The following TNNI3K variants were observed in gnomAD, a reference collection of about 807,000 sequenced individuals.
TNNI3K encodes TNNI3 interacting kinase, also known as serine/threonine-protein kinase TNNI3K.
A neutral mutation model predicts 114.5 loss-of-function variants in TNNI3K; 140 were observed. The ratio of observed to expected loss-of-function variants is 1.22; its 90% CI spans 1.07 to 1.41. The LOEUF (loss-of-function observed/expected upper bound fraction) is 1.41, where lower values mean the gene tolerates loss of function less well. Ranked by LOEUF, TNNI3K falls within the 40% of genes most tolerant of loss-of-function variation. The probability of loss-of-function intolerance (pLI) is 0.00; values close to 1 mark genes in which losing one functional copy is unlikely to be tolerated. For synonymous variants in TNNI3K, 347 were observed against 347.5 expected (o/e 1.00, Z 0.02); for missense variants, 1,125 against 1,007.6 (o/e 1.12, Z -1.58).
intron 5 of TNNI3K, among the ~76,000 whole-genome samples, chr1:74,283,360 T>A (rs1175594051): frequency 6.6e-6 from 1 of 152,164 alleles, no homozygotes; most frequent in East Asian, 1.9e-4. Flanking sequence ...CATGTATTAT[T>A]ATCAGTTATT....
intron 20 of TNNI3K, among the ~76,000 whole-genome samples, chr1:74,446,906 G>T (rs1210232296): frequency 1.4e-5 from 2 of 139,734 alleles, no homozygotes; most frequent in Non-Finnish European, 3.1e-5. Context: ...CTATATCTCT[G>T]TTTTGGTACC....
intron 24 of TNNI3K, among the ~76,000 whole-genome samples, chr1:74,541,934 G>A (rs1043055430): frequency 6.6e-6 from 1 of 152,156 alleles, no homozygotes; most frequent in Non-Finnish European, 1.5e-5. Context: ...CTGCTTTGCC[G>A]CCAAAGAGCA....
intron 5 of TNNI3K, among the ~76,000 whole-genome samples, chr1:74,310,265 G>T (rs1658908258): frequency 6.6e-6 from 1 of 152,100 alleles, no homozygotes; most frequent in Admixed American, 6.5e-5. Context: ...ATCTAACCAA[G>T]AAGGTGAAAG....
intron 5 of TNNI3K, among the ~76,000 whole-genome samples, chr1:74,285,129 T>A (rs748642793): frequency 6.6e-6 from 1 of 152,220 alleles, no homozygotes; most frequent in Non-Finnish European, 1.5e-5. Flanking sequence ...CCTACAATAG[T>A]ACCTTGACTT....
rs570426030 is a variant in TNNI3K at position 74,446,680 on chromosome 1, C to T, written c.2011+7058C>T. Among the ~76,000 whole-genome samples, 15 of 147,598 alleles carry T rather than the reference C, an allele frequency of 1.0e-4. No individual in the cohort carries two copies. In the East Asian group the frequency reaches 2.6e-3, roughly 25 times the overall value. On this transcript the variant is annotated intron_variant, in intron 20 of 24. Coordinates refer to ENST00000326637, the MANE Select transcript of TNNI3K (RefSeq NM_015978.3). ...AGGGTTTTTATGGTTTTAGGTCTAA[C>T]GTTTAAATCTTTAATCCATCTTGAA...
chr1:74,305,899 CA>C (rs1658604531), intron 5 of TNNI3K, among the ~76,000 whole-genome samples: 2 of 151,892 alleles, frequency 1.3e-5, no homozygotes, highest in African/African-American at 4.8e-5. Flanking sequence ...ATTTTAGTTT[CA>C]GGGGGCACAT....
intron 21 of TNNI3K, among the ~76,000 whole-genome samples, chr1:74,473,628 A>G (rs1668047031): frequency 6.6e-6 from 1 of 151,776 alleles, no homozygotes; most frequent in Non-Finnish European, 1.5e-5. Context: ...GGGTGGGGAT[A>G]CTCCATCTCC....
At chr1:74,410,258 A>G (rs1198664496) in intron 17 of TNNI3K, among the ~76,000 whole-genome samples, 2 of 152,184 alleles carry the variant, frequency 1.3e-5, no homozygotes, top group Non-Finnish European at 2.9e-5. Context: ...TTAAAATTAA[A>G]GTATTATTAA....
intron 17 of TNNI3K, chr1:74,373,321 G>A (rs1179018392): frequency 2.0e-5 from 3 of 151,872 alleles, no homozygotes; most frequent in Non-Finnish European, 2.9e-5. Flanking sequence ...TTGAAGAACA[G>A]GCATTAATCT....
At chr1:74,300,396 G>A (rs1658251615) in intron 5 of TNNI3K, among the ~76,000 whole-genome samples, 1 of 152,044 alleles carries the variant, frequency 6.6e-6, no homozygotes, top group Non-Finnish European at 1.5e-5. Context: ...ATAATTTTTA[G>A]GGTTTTATTT....
At chr1:74,497,933 GCT>G (rs1259161853) in intron 23 of TNNI3K, among the ~76,000 whole-genome samples, 3 of 152,120 alleles carry the variant, frequency 2.0e-5, no homozygotes, top group South Asian at 4.2e-4. Context: ...TGATACTGTC[GCT>G]CTCTCTCTTC....
chr1:74,313,600 C>T (rs528001043), intron 5 of TNNI3K, among the ~76,000 whole-genome samples: 19 of 152,228 alleles, frequency 1.2e-4, no homozygotes, highest in African/African-American at 4.6e-4. Flanking sequence ...TATAGTAGTA[C>T]TCTTGGGACT....
At chr1:74,343,039 C>T in intron 8 of TNNI3K, 36 bp from the exon 9 acceptor site, 1 of 1,613,186 alleles carries the variant, frequency 6.2e-7, no homozygotes, top group African/African-American at 1.3e-5. Context: ...CATGTACTTG[C>T]TTACAATATT....
chr1:74,515,393 G>A (rs995697930), intron 23 of TNNI3K, among the ~76,000 whole-genome samples: 4 of 152,126 alleles, frequency 2.6e-5, no homozygotes, highest in Non-Finnish European at 4.4e-5. Context: ...ACATTTTTTG[G>A]TGCTTTGTCA....
chr1:74,300,614 A>G (rs1268639242), intron 5 of TNNI3K, among the ~76,000 whole-genome samples: 1 of 152,208 alleles, frequency 6.6e-6, no homozygotes, highest in Non-Finnish European at 1.5e-5. Flanking sequence ...AGTAAAGACC[A>G]TTCTCCCACT....
chr1:74,372,082 T>G (rs1421887941), intron 17 of TNNI3K: 2 of 86,658 alleles, frequency 2.3e-5, no homozygotes, highest in South Asian at 1.1e-3. Flanking sequence ...GGTTACAAGA[T>G]AGTTTTTAAG....
chr1:74,459,573 A>T (rs1667361317), intron 20 of TNNI3K, among the ~76,000 whole-genome samples: 1 of 152,198 alleles, frequency 6.6e-6, no homozygotes, highest in Non-Finnish European at 1.5e-5. Context: ...GCATTCACAT[A>T]TTTCTTATTT....
chr1:74,257,211 T>G (rs975951326), intron 4 of TNNI3K, among the ~76,000 whole-genome samples: 1 of 152,190 alleles, frequency 6.6e-6, no homozygotes, highest in African/African-American at 2.4e-5. Flanking sequence ...ACTTTTCCGT[T>G]CTAGGATTTT....
At chr1:74,485,325 G>A (rs757960083) in intron 21 of TNNI3K, among the ~76,000 whole-genome samples, 1 of 152,162 alleles carries the variant, frequency 6.6e-6, no homozygotes, top group Non-Finnish European at 1.5e-5. Context: ...CCCTGCATGG[G>A]GCAGCAGATC....
Sources: allele counts gnomAD v4.1 joint callset (sites outside exome capture counted in the v4.1 genomes callset), GRCh38; gene constraint gnomAD v4.1.1; transcripts MANE v1.5; gene names NCBI Gene and HGNC (gene_info 2026-07-23, HGNC 2026-07-21).